The following DCLK1 variants were observed in gnomAD, a reference collection of about 807,000 sequenced individuals.
The protein encoded by DCLK1 is doublecortin like kinase 1.
A neutral mutation model predicts 86.2 loss-of-function variants in DCLK1; 16 were observed. The observed-to-expected ratio is 0.19, with a 90% CI of 0.13 to 0.28. The LOEUF is 0.28. DCLK1 is among the 10% of genes least tolerant of loss of function. DCLK1 has a pLI of 1.00. For synonymous variants in DCLK1, 369 were observed against 370.5 expected, an observed-to-expected ratio of 1.00 and a Z score of 0.05; for missense variants, 590 against 940.2, an observed-to-expected ratio of 0.63 and a Z score of 4.87.
intron 3 of DCLK1, among the ~76,000 whole-genome samples, chr13:36,003,149 T>G (rs954921163): frequency 6.6e-6 from 1 of 152,242 alleles, no homozygotes; most frequent in Non-Finnish European, 1.5e-5. Flanking sequence ...CTGATTCCAA[T>G]CAATCTCATG....
chr13:35,879,806 C>T (rs1593692982), intron 4 of DCLK1, among the ~76,000 whole-genome samples: 1 of 152,304 alleles, frequency 6.6e-6, no homozygotes, highest in East Asian at 1.9e-4. Flanking sequence ...CTTTTTCCCA[C>T]ATGTCATTTG....
intron 3 of DCLK1, among the ~76,000 whole-genome samples, chr13:36,019,487 T>C (rs939706349): frequency 6.6e-6 from 1 of 152,352 alleles, no homozygotes; most frequent in South Asian, 2.1e-4. Flanking sequence ...CAGCACAGTA[T>C]ATATACATCA....
intron 3 of DCLK1, among the ~76,000 whole-genome samples, chr13:36,095,833 C>T (rs1884997844): frequency 6.6e-6 from 1 of 152,066 alleles, no homozygotes; most frequent in African/African-American, 2.4e-5. Flanking sequence ...ATAAGAAAAA[C>T]TAAATTAAAG....
At chr13:36,074,948 T>A (rs1263611608) in intron 3 of DCLK1, among the ~76,000 whole-genome samples, 1 of 152,216 alleles carries the variant, frequency 6.6e-6, no homozygotes, top group Admixed American at 6.5e-5. Context: ...AAGGCAACAC[T>A]AGACACAGAA....
intron 15 of DCLK1, among the ~76,000 whole-genome samples, chr13:35,794,462 AG>A (rs1443373897): frequency 2.6e-5 from 4 of 152,200 alleles, no homozygotes; most frequent in African/African-American, 9.6e-5. Flanking sequence ...GGTTCCACCC[AG>A]GAAAATAAGT....
rs1484458336 is a variant in DCLK1 at position 36,045,362 on chromosome 13, A to ATC, written c.723+66506_723+66507insGA. Among the ~76,000 whole-genome samples, 80 of 133,782 alleles carry ATC rather than the reference A, an allele frequency of 6.0e-4. 2 individuals carry two copies. Among genetic ancestry groups the ATC allele is most frequent in the Admixed American group, 1.6e-3 (20 of 12,808 alleles). 87.8% of individuals were successfully genotyped at this position (133,782 alleles called of 152,430 possible). On this transcript the variant is annotated intron_variant, in intron 3 of 16. Transcript: ENST00000360631. ...TATATATATATATATATATATATATATATATATATATATATTTCAAGGTAA... is the reference window on the plus strand; with the variant it reads ...TATATATATATATATATATATATATATCTATATATATATATATTTCAAGGTAA...
intron 5 of DCLK1, among the ~76,000 whole-genome samples, chr13:35,867,164 T>C (rs745419648): frequency 6.6e-6 from 1 of 152,164 alleles, no homozygotes; most frequent in Non-Finnish European, 1.5e-5. Flanking sequence ...CAAGTCACTT[T>C]TGGTAGCAAG....
In DCLK1 at chr13:36,112,010, G is replaced by A. The variant is rs571952517; in HGVS notation, c.582C>T (p.Gly194=). ...TCCTGACAGCTTTCCGTGGCTTCACGCCACTTCTGATGATGGTGACCAGCT... is the reference window on the plus strand; with the variant it reads ...TCCTGACAGCTTTCCGTGGCTTCACACCACTTCTGATGATGGTGACCAGCT... ...RPKLVTIIRS[G]VKPRKAVRIL... is the part of the protein sequence containing the mutation. Residue 194 remains glycine, a synonymous_variant, in exon 3 of 17, where the codon GGC becomes GGT. Coordinates refer to ENST00000360631, the MANE Select transcript of DCLK1 (RefSeq NM_001330071.2). The A allele has an allele frequency of 4.7e-5, 76 of 1,614,046 alleles. No individual in the cohort carries two copies. Among genetic ancestry groups the A allele is most frequent in the Middle Eastern group, 1.6e-4 (1 of 6,084 alleles).
intron 5 of DCLK1, among the ~76,000 whole-genome samples, chr13:35,858,157 G>A (rs1871180129): frequency 6.6e-6 from 1 of 152,172 alleles, no homozygotes; most frequent in Admixed American, 6.5e-5. Flanking sequence ...GTAGGAGAGA[G>A]TGGGGCACAT....
intron 3 of DCLK1, among the ~76,000 whole-genome samples, chr13:35,982,613 T>C (rs1381484777): frequency 6.6e-6 from 1 of 152,148 alleles, no homozygotes; most frequent in Non-Finnish European, 1.5e-5. Flanking sequence ...AAAATTACTA[T>C]AAATAACACA....
chr13:35,939,898 C>CTAGTAATGCAAATCACTAGTCATTTT (rs1282198797), intron 4 of DCLK1, among the ~76,000 whole-genome samples: 1 of 152,072 alleles, frequency 6.6e-6, no homozygotes, highest in African/African-American at 2.4e-5. Flanking sequence ...CATTTTACCA[C>CTAGTAATGCAAATCACTAGTCATTTT]AGTATGTTTC....
intron 15 of DCLK1, chr13:35,805,445 T>C: frequency 5.1e-6 from 2 of 391,816 alleles, no homozygotes; most frequent in Non-Finnish European, 9.2e-6. Context: ...CACAGGCTTG[T>C]GCCACTATGC....
chr13:35,926,811 AG>A (rs1333741210), intron 4 of DCLK1, among the ~76,000 whole-genome samples: 9 of 152,122 alleles, frequency 5.9e-5, no homozygotes, highest in Admixed American at 5.2e-4. Flanking sequence ...TAACTCAGAG[AG>A]GTTAAGTAAT....
chr13:35,909,107 CTG>C (rs1874850838), intron 4 of DCLK1, among the ~76,000 whole-genome samples: 3 of 152,228 alleles, frequency 2.0e-5, no homozygotes, highest in African/African-American at 7.2e-5. Context: ...TATGTTTGGA[CTG>C]TGTCAGCACC....
chr13:36,007,346 T>G (rs1881022775), intron 3 of DCLK1, among the ~76,000 whole-genome samples: 1 of 152,186 alleles, frequency 6.6e-6, no homozygotes. Context: ...GCAATTTGAG[T>G]GTTCTAGAAT....
intron 3 of DCLK1, among the ~76,000 whole-genome samples, chr13:36,039,688 G>A (rs1440242949): frequency 2.0e-5 from 3 of 150,864 alleles, no homozygotes; most frequent in Non-Finnish European, 3.0e-5. Flanking sequence ...AAAACTAAGC[G>A]ACAAGGTAAA....
intron 5 of DCLK1, chr13:35,855,635 C>G: frequency 6.7e-7 from 1 of 1,495,822 alleles, no homozygotes; most frequent in Non-Finnish European, 9.0e-7. Flanking sequence ...TTAAGGATGG[C>G]TAAGGCTGCT....
At chr13:35,797,464 G>T (rs2086835409) in intron 15 of DCLK1, among the ~76,000 whole-genome samples, 2 of 152,142 alleles carry the variant, frequency 1.3e-5, no homozygotes, top group Admixed American at 6.5e-5. Context: ...AGATACTGGG[G>T]CCTGGAGGTG....
At chr13:36,074,547 CTTA>C (rs1884111911) in intron 3 of DCLK1, among the ~76,000 whole-genome samples, 1 of 136,386 alleles carries the variant, frequency 7.3e-6, no homozygotes, top group African/African-American at 2.7e-5. Flanking sequence ...TATTTGGGAT[CTTA>C]TTATTGCAGA....
Sources: allele counts gnomAD v4.1 joint callset (sites outside exome capture counted in the v4.1 genomes callset), GRCh38; gene constraint gnomAD v4.1.1; transcripts MANE v1.5; gene names NCBI Gene and HGNC (gene_info 2026-07-23, HGNC 2026-07-21).